GRID2: variants seen among roughly 807,000 people sequenced by gnomAD.
GRID2 encodes glutamate ionotropic receptor delta type subunit 2.
A neutral mutation model predicts 114.8 loss-of-function variants in GRID2; 33 were observed. That is an observed-to-expected ratio of 0.29 (90% confidence interval 0.22 to 0.38). GRID2 has a LOEUF of 0.38. Among genes scored for constraint, GRID2 ranks in the 10% least tolerant of loss-of-function variants. GRID2 has a pLI of 1.00. For missense variants in GRID2, 1,184 were observed against 1,257.7 expected (o/e 0.94, Z 0.89); for synonymous variants, 505 against 449.9 (o/e 1.12, Z -1.55).
At chr4:92,997,348 C>A (rs1428807792) in intron 2 of GRID2, among the ~76,000 whole-genome samples, 3 of 152,086 alleles carry the variant, frequency 2.0e-5, no homozygotes, top group Non-Finnish European at 4.4e-5. Flanking sequence ...GAGCTCTGAT[C>A]CTAAGACTCT....
chr4:93,618,640 T>C (rs1415822125), intron 13 of GRID2, among the ~76,000 whole-genome samples: 1 of 152,196 alleles, frequency 6.6e-6, no homozygotes, highest in Non-Finnish European at 1.5e-5. Flanking sequence ...ATATTAATGG[T>C]AACAAATATC....
At chr4:92,488,546 C>T (rs1723002024) in intron 1 of GRID2, among the ~76,000 whole-genome samples, 1 of 152,116 alleles carries the variant, frequency 6.6e-6, no homozygotes. Context: ...CTTTATGTTA[C>T]TGGGAAATGG....
intron 8 of GRID2, among the ~76,000 whole-genome samples, chr4:93,266,877 C>T (rs1048371161): frequency 6.6e-6 from 1 of 152,104 alleles, no homozygotes; most frequent in African/African-American, 2.4e-5. Flanking sequence ...AGAAAGATTA[C>T]AAATACTGTT....
At chr4:93,416,209 C>T (rs1489801292) in intron 9 of GRID2, among the ~76,000 whole-genome samples, 1 of 151,792 alleles carries the variant, frequency 6.6e-6, no homozygotes, top group African/African-American at 2.4e-5. Context: ...AATTCCATAC[C>T]ATTGGCCTTC....
chr4:93,461,497 A>G (rs1022029444), intron 11 of GRID2, among the ~76,000 whole-genome samples: 1 of 152,158 alleles, frequency 6.6e-6, no homozygotes, highest in Non-Finnish European at 1.5e-5. Flanking sequence ...CAGATTGAAT[A>G]GGGATAAAGA....
chr4:93,439,363 G>C (rs1721408607), intron 10 of GRID2, among the ~76,000 whole-genome samples: 1 of 152,032 alleles, frequency 6.6e-6, no homozygotes, highest in Non-Finnish European at 1.5e-5. Flanking sequence ...AAAATGAGCA[G>C]ATGGACACTC....
intron 2 of GRID2, among the ~76,000 whole-genome samples, chr4:92,616,870 A>G (rs904389878): frequency 4.0e-5 from 6 of 151,356 alleles, no homozygotes; most frequent in African/African-American, 9.7e-5. Context: ...ATTCTCTGCT[A>G]AATCTTTTGT....
intron 10 of GRID2, among the ~76,000 whole-genome samples, chr4:93,431,905 A>G (rs1381821567): frequency 1.3e-5 from 2 of 152,224 alleles, no homozygotes; most frequent in Admixed American, 1.3e-4. Flanking sequence ...TTAATGAGGT[A>G]AAGATGTTAC....
chr4:93,598,684 T>G (rs1248283016), intron 13 of GRID2, among the ~76,000 whole-genome samples: 1 of 152,226 alleles, frequency 6.6e-6, no homozygotes, highest in African/African-American at 2.4e-5. Context: ...AGATTTTGTA[T>G]CTACCAAAAT....
At chr4:93,371,368 T>G (rs148341751) in intron 8 of GRID2, among the ~76,000 whole-genome samples, 5 of 152,240 alleles carry the variant, frequency 3.3e-5, no homozygotes, top group Admixed American at 2.6e-4. Flanking sequence ...TCCTTTTTTT[T>G]TTGTTTTGTT....
At chr4:93,687,068 G>GT (rs1726140637) in intron 14 of GRID2, among the ~76,000 whole-genome samples, 1 of 152,012 alleles carries the variant, frequency 6.6e-6, no homozygotes, top group African/African-American at 2.4e-5. Flanking sequence ...TTGGACATGA[G>GT]TGTTACCAGT....
At chr4:92,891,795 T>C (rs1312365888) in intron 2 of GRID2, among the ~76,000 whole-genome samples, 1 of 152,160 alleles carries the variant, frequency 6.6e-6, no homozygotes, top group Non-Finnish European at 1.5e-5. Context: ...AGCCCACTTA[T>C]TGAGTCACAC....
chr4:93,178,690 T>G (rs1299632614), intron 4 of GRID2, among the ~76,000 whole-genome samples: 1 of 151,940 alleles, frequency 6.6e-6, no homozygotes, highest in African/African-American at 2.4e-5. Flanking sequence ...ACACAGCCCT[T>G]GAAAAGTTTT....
Position 92,713,380 on chromosome 4 carries a change from G to A in GRID2, c.244+123094G>A, listed in dbSNP as rs28563986. ...TGGCCAATATTTCAGTACTTTTTTA[G>A]ACTTGTTCTCTCTCTGAGTGGGTTA... is the stretch of plus-strand genomic sequence containing the variant. On this transcript the variant is annotated intron_variant, in intron 2 of 15. Transcript: ENST00000282020. Among the ~76,000 whole-genome samples, 153 of 149,294 alleles carry A rather than the reference G, an allele frequency of 1.0e-3. 1 individual carries two copies. The highest frequency in any genetic ancestry group is 3.7e-3 in the African/African-American group (151 of 40,588).
chr4:93,379,856 TA>T (rs1352551673), intron 8 of GRID2, among the ~76,000 whole-genome samples: 1 of 152,074 alleles, frequency 6.6e-6, no homozygotes, highest in Non-Finnish European at 1.5e-5. Context: ...GAATACATTC[TA>T]GTCAATTGAG....
chr4:93,233,343 T>A (rs1056009670), intron 7 of GRID2, among the ~76,000 whole-genome samples: 41 of 150,612 alleles, frequency 2.7e-4, no homozygotes, highest in African/African-American at 8.3e-4. Flanking sequence ...TTATTTTTTT[T>A]TTTATTTTTT....
At chr4:93,289,096 T>C (rs1000759468) in intron 8 of GRID2, among the ~76,000 whole-genome samples, 1 of 152,216 alleles carries the variant, frequency 6.6e-6, no homozygotes, top group African/African-American at 2.4e-5. Flanking sequence ...ATAAATTCAT[T>C]GTATATGTTT....
intron 1 of GRID2, among the ~76,000 whole-genome samples, chr4:92,562,055 A>T (rs1727127515): frequency 6.6e-6 from 1 of 152,200 alleles, no homozygotes; most frequent in Non-Finnish European, 1.5e-5. Flanking sequence ...TGTAGTCTTT[A>T]TCTCTGAGAA....
At chr4:93,728,386 G>A (rs1003867856) in intron 14 of GRID2, among the ~76,000 whole-genome samples, 18 of 152,240 alleles carry the variant, frequency 1.2e-4, no homozygotes, top group African/African-American at 4.1e-4. Flanking sequence ...TATATTTGCT[G>A]AGGAGTGCTT....
Sources: gnomAD v4.1 joint callset for allele counts (sites outside exome capture counted in the v4.1 genomes callset) on GRCh38, gnomAD v4.1.1 for gene constraint, MANE v1.5 for transcripts, NCBI Gene and HGNC (gene_info 2026-07-23, HGNC 2026-07-21) for gene names.